Variants in EPHA6 observed in about 807,000 individuals in gnomAD.
EPHA6 encodes ephrin type-A receptor 6.
A neutral mutation model predicts 112.0 loss-of-function variants in EPHA6; 50 were observed. That is an observed-to-expected ratio of 0.45 (90% CI 0.36 to 0.56). The LOEUF (loss-of-function observed/expected upper bound fraction) is 0.56, where lower values mean the gene tolerates loss of function less well. Among genes scored for constraint, EPHA6 ranks in the 20% least tolerant of loss-of-function variants. EPHA6 has a pLI of 0.00. For synonymous variants in EPHA6, 529 were observed against 490.7 expected (o/e 1.08, Z -1.03); for missense variants, 1,280 against 1,417.4 (o/e 0.90, Z 1.56).
chr3:97,640,598 C>T (rs927001743), intron 14 of EPHA6, among the ~76,000 whole-genome samples: 1 of 151,628 alleles, frequency 6.6e-6, no homozygotes, highest in African/African-American at 2.4e-5. Flanking sequence ...TGGAGAAACC[C>T]CATCTCTACT....
intron 5 of EPHA6, among the ~76,000 whole-genome samples, chr3:97,252,995 T>C (rs2079187161): frequency 1.3e-5 from 2 of 152,182 alleles, no homozygotes; most frequent in South Asian, 2.1e-4. Context: ...CTATCTGTTA[T>C]GTAGTGGGAA....
intron 14 of EPHA6, among the ~76,000 whole-genome samples, chr3:97,715,666 G>T (rs773880633): frequency 1.5e-4 from 23 of 152,198 alleles, no homozygotes; most frequent in Middle Eastern, 3.4e-3. Flanking sequence ...TCAATTGATT[G>T]GTCTCTCCTC....
intron 14 of EPHA6, among the ~76,000 whole-genome samples, chr3:97,642,085 G>T: frequency 6.9e-6 from 1 of 144,008 alleles, no homozygotes; most frequent in Non-Finnish European, 1.5e-5. Context: ...GCACGCAGCT[G>T]GAGATCTGAG....
At chr3:97,437,790 CCACA>C (rs2089927854) in intron 6 of EPHA6, among the ~76,000 whole-genome samples, 1 of 152,050 alleles carries the variant, frequency 6.6e-6, no homozygotes, top group Non-Finnish European at 1.5e-5. Context: ...GTGTGAGCCA[CCACA>C]CCCAGCCTCA....
chr3:97,556,312 A>G (rs1480542263), intron 11 of EPHA6, among the ~76,000 whole-genome samples: 3 of 152,030 alleles, frequency 2.0e-5, no homozygotes, highest in East Asian at 1.9e-4. Context: ...TCAAGTATGT[A>G]TGTGCATTAG....
chr3:96,897,558 G>A (rs2038348365), intron 2 of EPHA6, among the ~76,000 whole-genome samples: 1 of 152,080 alleles, frequency 6.6e-6, no homozygotes, highest in Admixed American at 6.5e-5. Context: ...TTCATTTAAT[G>A]TCCTCAAAAT....
intron 3 of EPHA6, among the ~76,000 whole-genome samples, chr3:97,074,708 A>G (rs1379179673): frequency 6.6e-6 from 1 of 152,080 alleles, no homozygotes; most frequent in Non-Finnish European, 1.5e-5. Flanking sequence ...CACCATTAAG[A>G]AACAGAGATT....
At chr3:97,653,725 C>T (rs1182237964) in intron 14 of EPHA6, among the ~76,000 whole-genome samples, 1 of 151,864 alleles carries the variant, frequency 6.6e-6, no homozygotes, top group Non-Finnish European at 1.5e-5. Context: ...CATCATTATT[C>T]AAAATAGCCA....
At chr3:97,264,717 A>G (rs2079615018) in intron 5 of EPHA6, among the ~76,000 whole-genome samples, 1 of 152,200 alleles carries the variant, frequency 6.6e-6, no homozygotes, top group South Asian at 2.1e-4. Context: ...AGACAAATGG[A>G]GGATGAGCAA....
chr3:97,536,533 G>T (rs2092766708), intron 11 of EPHA6, among the ~76,000 whole-genome samples: 1 of 152,104 alleles, frequency 6.6e-6, no homozygotes, highest in South Asian at 2.1e-4. Flanking sequence ...TATTCCATGA[G>T]ACAGTATTGA....
intron 3 of EPHA6, among the ~76,000 whole-genome samples, chr3:97,086,938 G>A (rs892366832): frequency 6.6e-6 from 1 of 152,068 alleles, no homozygotes; most frequent in Non-Finnish European, 1.5e-5. Context: ...AATTATCAGT[G>A]AACGAATAAG....
chr3:97,746,130 A>T (rs957063506), intron 16 of EPHA6, among the ~76,000 whole-genome samples: 1 of 151,894 alleles, frequency 6.6e-6, no homozygotes, highest in Non-Finnish European at 1.5e-5. Flanking sequence ...TCATTCTTTA[A>T]CTTTATAAAA....
chr3:97,437,579 T>C (rs2089916434), intron 6 of EPHA6, among the ~76,000 whole-genome samples: 2 of 152,216 alleles, frequency 1.3e-5, no homozygotes, highest in African/African-American at 4.8e-5. Flanking sequence ...GTGGCTGTTT[T>C]AATACTTGAC....
At chr3:97,283,262 A>G (rs1343398681) in intron 5 of EPHA6, among the ~76,000 whole-genome samples, 1 of 152,206 alleles carries the variant, frequency 6.6e-6, no homozygotes, top group Non-Finnish European at 1.5e-5. Flanking sequence ...GAATTTTGAA[A>G]TTGTTTAGTT....
chr3:97,656,228 T>G (rs2094137225), intron 14 of EPHA6, among the ~76,000 whole-genome samples: 1 of 152,002 alleles, frequency 6.6e-6, no homozygotes, highest in Non-Finnish European at 1.5e-5. Flanking sequence ...TGCTACTTCT[T>G]TAATCAAAAA....
intron 1 of EPHA6, among the ~76,000 whole-genome samples, chr3:96,865,624 A>C (rs1426024894): frequency 2.7e-5 from 4 of 147,316 alleles, no homozygotes; most frequent in Non-Finnish European, 6.0e-5. Context: ...TCAAAGCTTC[A>C]GTGAGTATGA....
At chr3:97,681,680 TAGAA>T (rs2031872884) in intron 14 of EPHA6, among the ~76,000 whole-genome samples, 1 of 152,080 alleles carries the variant, frequency 6.6e-6, no homozygotes, top group Non-Finnish European at 1.5e-5. Context: ...ATCTGTGACT[TAGAA>T]AGGCTCTTTA....
chr3:97,110,689 T>C (rs979983104), intron 3 of EPHA6, among the ~76,000 whole-genome samples: 2 of 152,002 alleles, frequency 1.3e-5, no homozygotes, highest in African/African-American at 2.4e-5. Flanking sequence ...CACACCCAGA[T>C]AATTTTTGTA....
chr3:97,017,680 C>T (rs1283428413), intron 3 of EPHA6, among the ~76,000 whole-genome samples: 2 of 152,078 alleles, frequency 1.3e-5, no homozygotes, highest in African/African-American at 2.4e-5. Flanking sequence ...CTCCATTGTA[C>T]GTTATTTGTT....
Sources: allele counts gnomAD v4.1 joint callset (sites outside exome capture counted in the v4.1 genomes callset), GRCh38; gene constraint gnomAD v4.1.1; transcripts MANE v1.5; gene names NCBI Gene and HGNC (gene_info 2026-07-23, HGNC 2026-07-21).